Variants in MARCHF1 observed in about 807,000 individuals in gnomAD.
MARCHF1 encodes the protein E3 ubiquitin-protein ligase MARCHF1.
A neutral mutation model predicts 54.2 loss-of-function variants in MARCHF1; 40 were observed. That is an observed-to-expected ratio of 0.74 (90% CI 0.57 to 0.96). MARCHF1 has a LOEUF of 0.96. Ranked by LOEUF, MARCHF1 falls within the 40% of genes least tolerant of loss-of-function variation. MARCHF1 has a pLI of 0.00. For missense variants in MARCHF1, 586 were observed against 656.5 expected, an observed-to-expected ratio of 0.89 and a Z score of 1.17; for synonymous variants, 236 against 236.3, an observed-to-expected ratio of 1.00 and a Z score of 0.01.
intron 3 of MARCHF1, among the ~76,000 whole-genome samples, chr4:163,883,229 A>G (rs182210939): frequency 1.6e-3 from 217 of 132,454 alleles, no homozygotes; most frequent in East Asian, 0.012. Context: ...ATATATATAT[A>G]TGTGTATATG....
At chr4:163,705,971 CTTAGATACATGACAA>C (rs1193147357) in intron 4 of MARCHF1, among the ~76,000 whole-genome samples, 10 of 152,042 alleles carry the variant, frequency 6.6e-5, no homozygotes, top group Middle Eastern at 3.2e-3. Flanking sequence ...TATTACAGTA[CTTAGATACATGACAA>C]TTAGATAATG....
At chr4:164,060,243 C>T (rs758123722) in intron 2 of MARCHF1, among the ~76,000 whole-genome samples, 3 of 151,906 alleles carry the variant, frequency 2.0e-5, no homozygotes, top group Non-Finnish European at 4.4e-5. Context: ...TGATAAGAAT[C>T]CAGCTGAAGA....
intron 1 of MARCHF1, among the ~76,000 whole-genome samples, chr4:164,172,578 T>C (rs1172060000): frequency 6.6e-6 from 1 of 152,178 alleles, no homozygotes; most frequent in African/African-American, 2.4e-5. Flanking sequence ...AATTAAAGGA[T>C]AAAAATCAAG....
chr4:164,239,784 T>A (rs571083030), intron 1 of MARCHF1, among the ~76,000 whole-genome samples: 14 of 152,078 alleles, frequency 9.2e-5, no homozygotes, highest in Non-Finnish European at 1.6e-4. Flanking sequence ...AGAGTGTATG[T>A]ATATGTCATA....
chr4:164,244,680 G>C (rs1486371782), intron 1 of MARCHF1, among the ~76,000 whole-genome samples: 21 of 151,066 alleles, frequency 1.4e-4, no homozygotes, highest in Non-Finnish European at 2.2e-4. Flanking sequence ...CTGGTTTTTT[G>C]AAAGGATCAA....
intron 1 of MARCHF1, among the ~76,000 whole-genome samples, chr4:164,250,621 A>T (rs879890949): frequency 6.6e-6 from 1 of 152,136 alleles, no homozygotes; most frequent in African/African-American, 2.4e-5. Context: ...ATTATTTCTC[A>T]TCCCAGGTTG....
At chr4:164,102,688 A>C (rs913743138) in intron 2 of MARCHF1, among the ~76,000 whole-genome samples, 1 of 151,958 alleles carries the variant, frequency 6.6e-6, no homozygotes, top group Non-Finnish European at 1.5e-5. Flanking sequence ...CATCGAGACT[A>C]GGAAGAAACT....
At chr4:163,741,582 C>CA (rs71600636) in intron 4 of MARCHF1, among the ~76,000 whole-genome samples, 50,883 of 126,420 alleles carry the variant, frequency 0.4, 9,907 homozygotes, top group Non-Finnish European at 0.5. Context: ...GACTCTGTCT[C>CA]AAAAAAAAAA....
At chr4:163,835,689 G>A (rs918880598) in intron 4 of MARCHF1, among the ~76,000 whole-genome samples, 1 of 152,064 alleles carries the variant, frequency 6.6e-6, no homozygotes, top group African/African-American at 2.4e-5. Flanking sequence ...TTCGCGAATC[G>A]TTCATTGTTC....
At chr4:163,806,388 T>A (rs1237603883) in intron 4 of MARCHF1, among the ~76,000 whole-genome samples, 1 of 152,174 alleles carries the variant, frequency 6.6e-6, no homozygotes, top group Non-Finnish European at 1.5e-5. Context: ...AAGACTCTCA[T>A]CTCAGTGCCA....
At chr4:163,568,125 C>T (rs989991635) in intron 8 of MARCHF1, among the ~76,000 whole-genome samples, 7 of 152,060 alleles carry the variant, frequency 4.6e-5, no homozygotes, top group Non-Finnish European at 1.0e-4. Flanking sequence ...CTCGCATTTC[C>T]CATAACGTCC....
intron 1 of MARCHF1, among the ~76,000 whole-genome samples, chr4:164,330,564 GATT>G (rs1350831280): frequency 2.0e-5 from 3 of 152,152 alleles, no homozygotes; most frequent in Non-Finnish European, 4.4e-5. Flanking sequence ...AAATAAAACA[GATT>G]ATTATAATTT....
chr4:164,177,426 T>G (rs1279420977), intron 1 of MARCHF1, among the ~76,000 whole-genome samples: 1 of 152,152 alleles, frequency 6.6e-6, no homozygotes, highest in African/African-American at 2.4e-5. Context: ...GCAATTACCA[T>G]GCACGGAGAA....
chr4:164,260,932 A>C (rs369449590), intron 1 of MARCHF1, among the ~76,000 whole-genome samples: 5 of 152,338 alleles, frequency 3.3e-5, no homozygotes, highest in East Asian at 1.9e-4. Context: ...AGTGTTTTCT[A>C]TTTGGAAGCT....
chr4:164,081,997 G>A (rs1755111197), intron 2 of MARCHF1, among the ~76,000 whole-genome samples: 1 of 152,146 alleles, frequency 6.6e-6, no homozygotes, highest in African/African-American at 2.4e-5. Context: ...AACATACATA[G>A]GCCTGTTCTG....
chr4:163,732,806 T>C (rs1203364578), intron 4 of MARCHF1, among the ~76,000 whole-genome samples: 1 of 152,060 alleles, frequency 6.6e-6, no homozygotes. Context: ...AAAGGCATAC[T>C]CAGACATACA....
chr4:164,334,623 A>G (rs1314532436), intron 1 of MARCHF1, among the ~76,000 whole-genome samples: 2 of 152,170 alleles, frequency 1.3e-5, no homozygotes, highest in Admixed American at 1.3e-4. Flanking sequence ...TGTTGTTTTC[A>G]TATCTGCTAA....
At chr4:164,381,083 C>T (rs1035862140) in intron 1 of MARCHF1, among the ~76,000 whole-genome samples, 1 of 152,204 alleles carries the variant, frequency 6.6e-6, no homozygotes, top group Admixed American at 6.5e-5. Flanking sequence ...TCCATGGATA[C>T]TTCCCAGTGT....
intron 4 of MARCHF1, among the ~76,000 whole-genome samples, chr4:163,748,744 C>T (rs1348488001): frequency 3.3e-5 from 5 of 152,208 alleles, no homozygotes; most frequent in Non-Finnish European, 7.3e-5. Flanking sequence ...CCTGCTATCA[C>T]AAAAAGATCT....
Sources: gnomAD v4.1 joint callset for allele counts (sites outside exome capture counted in the v4.1 genomes callset) on GRCh38, gnomAD v4.1.1 for gene constraint, MANE v1.5 for transcripts, NCBI Gene and HGNC (gene_info 2026-07-23, HGNC 2026-07-21) for gene names.